The following LRPPRC variants were observed in gnomAD, a reference collection of about 807,000 sequenced individuals.
LRPPRC encodes leucine-rich PPR motif-containing protein, mitochondrial.
A neutral mutation model predicts 180.3 loss-of-function variants in LRPPRC; 120 were observed. That is an observed-to-expected ratio of 0.67 (90% confidence interval 0.57 to 0.77). The LOEUF (loss-of-function observed/expected upper bound fraction) is 0.77. Among genes scored for constraint, LRPPRC ranks in the 30% least tolerant of loss-of-function variants. LRPPRC has a pLI of 0.00. For missense variants in LRPPRC, 2,012 were observed against 1,657.2 expected, an observed-to-expected ratio of 1.21 and a Z score of -3.72; for synonymous variants, 723 against 600.0, an observed-to-expected ratio of 1.21 and a Z score of -3.00.
chr2:43,958,288 C>G (rs1559011468), intron 13 of LRPPRC, among the ~76,000 whole-genome samples: 1 of 152,066 alleles, frequency 6.6e-6, no homozygotes, highest in African/African-American at 2.4e-5. Flanking sequence ...AATGTGGCTA[C>G]TGAATAATAC....
intron 29 of LRPPRC, among the ~76,000 whole-genome samples, chr2:43,912,915 AAATGTGTGTT>A (rs1255160930): frequency 1.3e-5 from 2 of 152,178 alleles, no homozygotes; most frequent in Non-Finnish European, 2.9e-5. Flanking sequence ...ATAAATCGCA[AAATGTGTGTT>A]AAAGTCCAAA....
chr2:43,893,152 T>C lies in LRPPRC; in HGVS notation c.3985+1393A>G, dbSNP rs536908808. Among the ~76,000 whole-genome samples, 3 of 152,308 alleles carry C rather than the reference T, an allele frequency of 2.0e-5. No individual in the cohort carries two copies. The South Asian group carries it at 6.2e-4, about 32-fold the overall frequency. On this transcript the variant is annotated intron_variant, in intron 36 of 37. Transcript: ENST00000260665. ...TCAGACTTAACATGAGGAGAAGCTGTTTCCTATGGATGACCAAAGAAAGTG... is the reference window on the plus strand; with the variant it reads ...TCAGACTTAACATGAGGAGAAGCTGCTTCCTATGGATGACCAAAGAAAGTG...
chr2:43,947,375 A>G lies in LRPPRC; in HGVS notation c.1966-5T>C, dbSNP rs1236561712. On this transcript the variant is annotated splice_polypyrimidine_tract_variant and splice_region_variant and intron_variant, in intron 19 of 37. Transcript: ENST00000260665. ...AGATGATGTAAGTTGCACAGTCTAC[A>G]GAAAAGAAAAAAGAAAAGAAAAATT... 4 of 1,452,152 alleles carry G rather than the reference A, an allele frequency of 2.8e-6. No individual in the cohort carries two copies. Among genetic ancestry groups the G allele is most frequent in the Non-Finnish European group, 3.9e-6 (4 of 1,034,694 alleles). 90.0% of individuals were successfully genotyped at this position (1,452,152 alleles called of 1,614,324 possible).
At chr2:43,954,159 T>C (rs914799194) in intron 14 of LRPPRC, among the ~76,000 whole-genome samples, 2 of 152,236 alleles carry the variant, frequency 1.3e-5, no homozygotes, top group African/African-American at 4.8e-5. Context: ...TATCCTTACA[T>C]TTCTCTCTCA....
chr2:43,963,794 A>G (rs1256897780), intron 11 of LRPPRC, 88 bp from the exon 12 acceptor site: 1 of 809,184 alleles, frequency 1.2e-6, no homozygotes, highest in Non-Finnish European at 2.2e-6. Context: ...TATTTTCTGA[A>G]TCACAGTATA....
At chr2:43,895,175 T>A (rs1022511646) in intron 35 of LRPPRC, among the ~76,000 whole-genome samples, 1 of 152,158 alleles carries the variant, frequency 6.6e-6, no homozygotes, top group African/African-American at 2.4e-5. Context: ...ATCTGCTGAG[T>A]ATTTCCCGCC....
chr2:43,891,543 G>T (rs1487121276), intron 36 of LRPPRC, among the ~76,000 whole-genome samples: 1 of 152,148 alleles, frequency 6.6e-6, no homozygotes, highest in African/African-American at 2.4e-5. Context: ...GATCTTTGAT[G>T]TTACTATTGT....
intron 3 of LRPPRC, 52 bp from the exon 4 acceptor site, chr2:43,977,328 C>T: frequency 7.0e-7 from 1 of 1,424,962 alleles, no homozygotes; most frequent in East Asian, 2.3e-5. Flanking sequence ...AAATCCTATG[C>T]TTTAAAGTGG....
rs767631193 is a variant in LRPPRC at position 43,973,616 on chromosome 2, T to A, written c.1360A>T (p.Asn454Tyr). 4.3e-6 allele frequency: 7 copies of A among 1,612,326 alleles called. No homozygotes were observed. Among genetic ancestry groups the A allele is most frequent in the Non-Finnish European group, 5.1e-6 (6 of 1,178,524 alleles). The change falls in exon 11 of 38, where the codon AAT (asparagine) becomes TAT (tyrosine). Residue 454 changes from asparagine (N) to tyrosine (Y), a missense_variant. Asn to Tyr is a moderately radical substitution (Grantham distance 143, BLOSUM62 -2). Transcript: ENST00000260665. ...AAAGGCAAAATCTAACCTTGAACATTTTTTTCCTTCCGACGTCCAACTAGC... is the reference window on the plus strand; with the variant it reads ...AAAGGCAAAATCTAACCTTGAACATATTTTTCCTTCCGACGTCCAACTAGC... ...PLLVGRRKEK[N>Y]VQGIIEILKG... is the part of the protein sequence containing the mutation.
At chr2:43,905,830 G>C (rs779618073) in intron 30 of LRPPRC, 50 bp from the exon 31 acceptor site, 2 of 1,104,308 alleles carry the variant, frequency 1.8e-6, no homozygotes, top group African/African-American at 3.1e-5. Flanking sequence ...CTTCTGATAC[G>C]ATAATAAATG....
chr2:43,992,899 C>T (rs1441521904), intron 1 of LRPPRC, among the ~76,000 whole-genome samples: 1 of 152,060 alleles, frequency 6.6e-6, no homozygotes, highest in East Asian at 1.9e-4. Context: ...GGAGAAACAT[C>T]ATCAGATAGG....
At chr2:43,955,081 T>C (rs1035625236) in intron 14 of LRPPRC, among the ~76,000 whole-genome samples, 3 of 152,166 alleles carry the variant, frequency 2.0e-5, no homozygotes, top group Admixed American at 1.3e-4. Context: ...ATGAACTCCA[T>C]TAAATTATAG....
chr2:43,889,502 A>G (rs533575199), intron 37 of LRPPRC, among the ~76,000 whole-genome samples: 4 of 152,244 alleles, frequency 2.6e-5, no homozygotes, highest in South Asian at 2.1e-4. Context: ...CCATGCCTAT[A>G]GCTGAAGGTC....
At chr2:43,975,833 T>G (rs1674032168) in intron 6 of LRPPRC, among the ~76,000 whole-genome samples, 1 of 152,148 alleles carries the variant, frequency 6.6e-6, no homozygotes, top group Non-Finnish European at 1.5e-5. Context: ...TCTGCCCACC[T>G]CAGCCTCCCA....
At chr2:43,946,768 G>T (rs1672695836) in intron 20 of LRPPRC, among the ~76,000 whole-genome samples, 1 of 151,972 alleles carries the variant, frequency 6.6e-6, no homozygotes, top group Non-Finnish European at 1.5e-5. Flanking sequence ...ATAGTCTAGT[G>T]ATATCCCACA....
intron 36 of LRPPRC, among the ~76,000 whole-genome samples, chr2:43,893,139 TGAG>T (rs1206893595): frequency 1.3e-5 from 2 of 152,178 alleles, no homozygotes; most frequent in African/African-American, 2.4e-5. Flanking sequence ...AGACTTAACA[TGAG>T]GAGAAGCTGT....
rs34738090 is a variant in LRPPRC, at chr2:43,886,339, CTTTT to C, written c.*2257_*2260del. Reference sequence around the variant, plus strand: ...AGTTCTCAATAGTTTACAGTGACATCTTTTTTAGAATTAGCTGCTTATAATTTGA... The same window carrying C: ...AGTTCTCAATAGTTTACAGTGACATCTTAGAATTAGCTGCTTATAATTTGA... On this transcript the variant is annotated 3_prime_UTR_variant, in exon 38 of 38. Coordinates refer to ENST00000260665, the MANE Select transcript of LRPPRC (RefSeq NM_133259.4). 2.3e-4 allele frequency among the ~76,000 whole-genome samples: 35 copies of C among 152,016 alleles called. No homozygotes were observed. The highest frequency in any genetic ancestry group is 7.5e-4 in the African/African-American group (31 of 41,396).
At chr2:43,995,764 C>T in intron 1 of LRPPRC, 35 bp downstream of exon 1, 1 of 1,347,622 alleles carries the variant, frequency 7.4e-7, no homozygotes, top group Non-Finnish European at 9.5e-7. Flanking sequence ...ACCCTGGCGC[C>T]GCAGCTTGCC....
intron 14 of LRPPRC, among the ~76,000 whole-genome samples, chr2:43,952,054 G>T (rs1266408489): frequency 6.6e-6 from 1 of 152,140 alleles, no homozygotes; most frequent in African/African-American, 2.4e-5. Flanking sequence ...TTAGCCAGGC[G>T]TGGTGGCGCA....
Sources: allele counts gnomAD v4.1 joint callset (sites outside exome capture counted in the v4.1 genomes callset), GRCh38; gene constraint gnomAD v4.1.1; transcripts MANE v1.5; gene names NCBI Gene and HGNC (gene_info 2026-07-23, HGNC 2026-07-21).